PLCB2: variants seen among roughly 807,000 people sequenced by gnomAD.
The protein encoded by PLCB2 is 1-phosphatidylinositol 4,5-bisphosphate phosphodiesterase beta-2.
PLCB2 carries 115 observed loss-of-function variants against 141.7 expected under a neutral mutation model. The observed-to-expected ratio is 0.81, with a 90% CI of 0.70 to 0.95. PLCB2 has a LOEUF of 0.95. Ranked by LOEUF, PLCB2 falls within the 40% of genes least tolerant of loss-of-function variation. The pLI is 0.00. For missense variants in PLCB2, 1,403 were observed against 1,541.1 expected, an observed-to-expected ratio of 0.91 and a Z score of 1.50; for synonymous variants, 603 against 595.6, an observed-to-expected ratio of 1.01 and a Z score of -0.18.
Position 40,295,254 on chromosome 15 carries a change from G to A in PLCB2, c.1728C>T (p.Phe576=). 6.2e-7 allele frequency: 1 copy of A among 1,613,816 alleles called. No homozygotes were observed. The highest frequency in any genetic ancestry group is 8.5e-7 in the Non-Finnish European group (1 of 1,179,692). Residue 576 remains phenylalanine, a synonymous_variant, in exon 17 of 32, where the codon TTC becomes TTT. Transcript: ENST00000260402. ...QKNRSYVISS[F]TELKAYDLLS... is the part of the protein sequence containing the mutation. The stretch of plus-strand genomic sequence containing the variant: ...GCAGGTCATATGCCTTGAGCTCTGT[G>A]AAGGACGAGATGACATAACTTCGGT...
At position 40,294,518 on chromosome 15, in the gene PLCB2, G is replaced by A. The variant is rs370992296; in HGVS notation, c.1907-98C>T. On this transcript the variant is annotated intron_variant, in intron 18 of 31. Coordinates refer to ENST00000260402, the MANE Select transcript of PLCB2 (RefSeq NM_004573.3). ...CCAGCCTTTGCTGTCTGGTGAATGGGGAGGTTGGGTGGACCGTGAGGATGA... is the reference window on the plus strand; with the variant it reads ...CCAGCCTTTGCTGTCTGGTGAATGGAGAGGTTGGGTGGACCGTGAGGATGA... 394 of 1,330,430 alleles carry A rather than the reference G, an allele frequency of 3.0e-4. 3 individuals carry two copies. In the African/African-American group the frequency reaches 5.0e-3, roughly 17 times the overall value. 82.4% of individuals were successfully genotyped at this position (1,330,430 alleles called of 1,614,324 possible).
intron 3 of PLCB2, 72 bp downstream of exon 3, chr15:40,303,216 C>G: frequency 8.7e-7 from 1 of 1,143,740 alleles, no homozygotes; most frequent in Non-Finnish European, 1.3e-6. Context: ...CCCACCCGCA[C>G]AGGGACCCCT....
At chr15:40,284,836 CAAAAAAAAAAAAAA>C (rs56397946), downstream of PLCB2, among the ~76,000 whole-genome samples, 71 of 74,874 alleles carry the variant, frequency 9.5e-4, 1 homozygote, top group Middle Eastern at 0.031. Context: ...GAGACTCCGT[CAAAAAAAAAAAAAA>C]AAAAAAAAAA....
At chr15:40,291,766 C>G in intron 24 of PLCB2, 83 bp downstream of exon 24, 1 of 1,607,152 alleles carries the variant, frequency 6.2e-7, no homozygotes, top group Non-Finnish European at 8.5e-7. Flanking sequence ...CGCACTTTCC[C>G]TAGGTGAAAT....
Position 40,296,529 on chromosome 15 carries a change from G to T in PLCB2, c.1592C>A (p.Ser531Ter). 1 of 1,613,932 alleles carries T rather than the reference G, an allele frequency of 6.2e-7. No individual in the cohort carries two copies. The highest frequency in any genetic ancestry group is 1.3e-5 in the African/African-American group (1 of 75,012). Residue 531 changes from serine to a stop codon, truncating the protein, a stop_gained, in exon 15 of 32, where the codon TCG (serine) becomes TAG (stop). Transcript: ENST00000260402. LOFTEE classifies it high-confidence loss of function. The stretch of plus-strand genomic sequence containing the variant: ...GGGGCTACCCCCACACACCTCATCC[G>T]ACTGCATCTTCTTAATCTCTTCTTC... ...LDEEEIKKMQ[S>*]DEGTAGLEVT...
chr15:40,291,941 G>C lies in PLCB2; in HGVS notation c.2527-17C>G. ...GAAGGGCTTCTGTGTAGGGAGAGCA[G>C]GTCAGGAAGGTGGCTTGACAGCCCT... is the stretch of plus-strand genomic sequence containing the variant. On this transcript the variant is annotated splice_polypyrimidine_tract_variant and intron_variant, in intron 23 of 31. Transcript: ENST00000260402. 1.9e-6 allele frequency: 3 copies of C among 1,613,616 alleles called. No homozygotes were observed. The highest frequency in any genetic ancestry group is 2.5e-6 in the Non-Finnish European group (3 of 1,179,590).
In PLCB2 at chr15:40,291,167, C is replaced by T. The variant is rs1377439611; in HGVS notation, c.2887G>A (p.Glu963Lys). Residue 963 changes from glutamate (E) to lysine (K), a missense_variant, in exon 27 of 32, where the codon GAG becomes AAG. Physicochemically the swap from Glu to Lys is moderately conservative, Grantham distance 56. This residue lies in a region of PLCB2 where 290 missense variants were observed against 245.9 expected (regional missense o/e 1.18). Coordinates refer to ENST00000260402, the MANE Select transcript of PLCB2 (RefSeq NM_004573.3). ...SRKKRSLPRE[E>K]SAGAAPGEGP... is the part of the protein sequence containing the mutation. The stretch of plus-strand genomic sequence containing the variant: ...TCGCCCGGCGCGGCTCCGGCGCTCT[C>T]CTCGCGGGGCAGGCTCCTGGGGAGG... 2 of 1,570,894 alleles carry T rather than the reference C, an allele frequency of 1.3e-6. No individual in the cohort carries two copies. Among genetic ancestry groups the T allele is most frequent in the Admixed American group, 1.8e-5 (1 of 56,352 alleles).
Position 40,292,404 on chromosome 15 carries a change from G to A in PLCB2, c.2366C>T (p.Pro789Leu). 1 of 1,613,880 alleles carries A rather than the reference G, an allele frequency of 6.2e-7. No homozygotes were observed. The highest frequency in any genetic ancestry group is 8.5e-7 in the Non-Finnish European group (1 of 1,179,884). Residue 789 changes from proline to leucine, a missense_variant, in exon 22 of 32, where the codon CCC (proline) becomes CTC (leucine). Coordinates refer to ENST00000260402, the MANE Select transcript of PLCB2 (RefSeq NM_004573.3). ...HLCLHSESNMPLTMPALFIFL... is the reference protein window; with the variant it reads ...HLCLHSESNMLLTMPALFIFL... Reference sequence around the variant, plus strand: ...GATGAAGAGCGCAGGCATGGTGAGGGGCATGTTGCTCTCACTGTGCAGGCA... The same window carrying A: ...GATGAAGAGCGCAGGCATGGTGAGGAGCATGTTGCTCTCACTGTGCAGGCA...
At chr15:40,289,440 T>G in intron 30 of PLCB2, 82 bp from the exon 31 acceptor site, 1 of 1,041,548 alleles carries the variant, frequency 9.6e-7, no homozygotes, top group Non-Finnish European at 1.5e-6. Flanking sequence ...CCCAGCTAAC[T>G]AGTTGTAAGA....
Position 40,297,642 on chromosome 15 carries a change from T to G in PLCB2, c.1239-37A>C, listed in dbSNP as rs1235034919. 1 of 1,539,848 alleles carries G rather than the reference T, an allele frequency of 6.5e-7. No homozygotes were observed. The highest frequency in any genetic ancestry group is 1.4e-5 in the African/African-American group (1 of 73,606). Reference sequence around the variant, plus strand: ...AAAAGCGGGGATGGGGTTCAGCCGCTCAGCACCAACCCTATTATGCATCCT... The same window carrying G: ...AAAAGCGGGGATGGGGTTCAGCCGCGCAGCACCAACCCTATTATGCATCCT... On this transcript the variant is annotated intron_variant, in intron 12 of 31. Transcript: ENST00000260402. The surrounding 1 kb of genome is among the most constrained non-coding windows in gnomAD (Gnocchi z 4.2).
chr15:40,298,820 G>A lies in PLCB2; in HGVS notation c.828C>T (p.Pro276=). The stretch of plus-strand genomic sequence containing the variant: ...CACCCCTCTGTGCATTGATGCCACT[G>A]GGCTCATACTTGTCGATGAGGCCCT... ...QVQGLIDKYE[P]SGINAQRGQL... Residue 276 remains proline, a synonymous_variant, in exon 9 of 32, where the codon CCC becomes CCT. Transcript: ENST00000260402. The A allele has an allele frequency of 8.7e-6, 14 of 1,613,678 alleles. No homozygotes were observed. The highest frequency in any genetic ancestry group is 1.1e-5 in the Non-Finnish European group (13 of 1,179,862).
Position 40,292,087 on chromosome 15 carries a change from C to T in PLCB2, c.2503G>A (p.Glu835Lys). 1.1e-5 allele frequency: 17 copies of T among 1,614,180 alleles called. No individual in the cohort carries two copies. The highest frequency in any genetic ancestry group is 1.4e-5 in the Non-Finnish European group (17 of 1,179,994). ...ACCTCAGGCAGACCTCCCATGGCCT[C>T]CTTGAGCTTCACAGACTTCGTGTCA... is the stretch of plus-strand genomic sequence containing the variant. ...AHDTKSVKLKEAMGGLPEKPF... is the reference protein window; with the variant it reads ...AHDTKSVKLKKAMGGLPEKPF... Residue 835 changes from glutamate to lysine, a missense_variant, in exon 23 of 32, where the codon GAG becomes AAG. Glu to Lys is a moderately conservative substitution (Grantham distance 56). Transcript: ENST00000260402.
chr15:40,289,314 C>A lies in PLCB2; in HGVS notation c.3312G>T (p.Lys1104Asn). The A allele has an allele frequency of 6.2e-7, 1 of 1,614,130 alleles. No individual in the cohort carries two copies. Among genetic ancestry groups the A allele is most frequent in the Non-Finnish European group, 8.5e-7 (1 of 1,179,976 alleles). ...LERHQEKLEE[K>N]QAACLEQIRE... ...GTATCTGTTCCAGGCAAGCCGCCTG[C>A]TTCTCCTCCAGCTTCTCCTGGTGCC... The change falls in exon 31 of 32, where the codon AAG becomes AAT. Residue 1104 changes from lysine (K) to asparagine (N), a missense_variant. Physicochemically the swap from Lys to Asn is moderately conservative, Grantham distance 94. This residue lies in a region of PLCB2 where 132 missense variants were observed against 132.4 expected (regional missense o/e 1.00). Coordinates refer to ENST00000260402, the MANE Select transcript of PLCB2 (RefSeq NM_004573.3).
Position 40,290,219 on chromosome 15 carries a change from C to T in PLCB2, c.3210-137G>A, listed in dbSNP as rs73391376. 3,763 of 690,622 alleles carry T rather than the reference C, an allele frequency of 5.4e-3. 108 individuals carry two copies. The African/African-American group carries it at 0.058, about 11-fold the overall frequency. 42.8% of individuals were successfully genotyped at this position (690,622 alleles called of 1,614,324 possible). On this transcript the variant is annotated intron_variant, in intron 29 of 31. Coordinates refer to ENST00000260402, the MANE Select transcript of PLCB2 (RefSeq NM_004573.3). ...CCAGCTGGGGGCAGGTGTGGGGACC[C>T]AAGGAGTATGTAGGGGCCACTGGGA...
chr15:40,300,185 C>T (rs1234398843), intron 7 of PLCB2, among the ~76,000 whole-genome samples: 1 of 152,166 alleles, frequency 6.6e-6, no homozygotes, highest in Non-Finnish European at 1.5e-5. Context: ...CATGGTGGCA[C>T]ATGCTTGTAA....
At chr15:40,307,116 A>T (rs1377289270) in intron 1 of PLCB2, among the ~76,000 whole-genome samples, 2 of 152,118 alleles carry the variant, frequency 1.3e-5, no homozygotes, top group Non-Finnish European at 2.9e-5. Context: ...GGCTGCCCCC[A>T]CAGCAGCGCA....
At chr15:40,289,649 T>C (rs1006605738) in intron 30 of PLCB2, 1 of 521,218 alleles carries the variant, frequency 1.9e-6, no homozygotes, top group South Asian at 2.4e-5. Flanking sequence ...TTCAGGTCCA[T>C]TATTCCTTGG....
chr15:40,303,897 T>C, intron 2 of PLCB2, 104 bp downstream of exon 2: 1 of 785,548 alleles, frequency 1.3e-6, no homozygotes. Context: ...CAGGCCATTC[T>C]GTACTCCCCA....
downstream of PLCB2, among the ~76,000 whole-genome samples, chr15:40,286,477 G>C (rs552289863): frequency 1.3e-5 from 2 of 152,342 alleles, no homozygotes; most frequent in East Asian, 3.9e-4. Flanking sequence ...GGCTGCTCAG[G>C]GGATGCAGGG....
Sources: allele counts gnomAD v4.1 joint callset (sites outside exome capture counted in the v4.1 genomes callset), GRCh38; gene constraint gnomAD v4.1.1; regional missense constraint gnomAD v4.1.1; non-coding constraint Gnocchi (gnomAD v3.1); transcripts MANE v1.5; gene names NCBI Gene and HGNC (gene_info 2026-07-23, HGNC 2026-07-21).